Variants in SDK1 observed in about 807,000 individuals in gnomAD.
The protein encoded by SDK1 is protein sidekick-1.
In SDK1, 157 loss-of-function variants were observed where a neutral mutation model predicts 245.5. The observed-to-expected ratio is 0.64, with a 90% CI of 0.56 to 0.73. The LOEUF (loss-of-function observed/expected upper bound fraction) is 0.73. Among genes scored for constraint, SDK1 ranks in the 30% least tolerant of loss-of-function variants. SDK1 has a pLI of 0.00. For missense variants in SDK1, 3,583 were observed against 3,002.3 expected (o/e 1.19, Z -4.52); for synonymous variants, 1,647 against 1,278.5 (o/e 1.29, Z -6.15).
intron 13 of SDK1, among the ~76,000 whole-genome samples, chr7:3,985,458 T>C (rs1293730190): frequency 6.6e-6 from 1 of 152,198 alleles, no homozygotes; most frequent in Non-Finnish European, 1.5e-5. Flanking sequence ...TTTCCGCCTC[T>C]AATGGAGATT....
chr7:3,803,545 A>G (rs1779165188), intron 4 of SDK1, among the ~76,000 whole-genome samples: 1 of 151,886 alleles, frequency 6.6e-6, no homozygotes, highest in Non-Finnish European at 1.5e-5. Flanking sequence ...TCCTGACCTC[A>G]AGTGACTCAC....
At position 3,816,472 on chromosome 7, in the gene SDK1, A is replaced by C. The variant is rs552492579; in HGVS notation, c.714-4978A>C. On this transcript the variant is annotated intron_variant, in intron 4 of 44. Transcript: ENST00000404826. ...ATCAGAGAATACTACAAACACCTCT[A>C]CGCAAATAAACTAGAAAATCTATAA... 5.0e-3 allele frequency among the ~76,000 whole-genome samples: 756 copies of C among 150,644 alleles called. 1 individual carries two copies. Among genetic ancestry groups the C allele is most frequent in the Non-Finnish European group, 6.7e-3 (454 of 67,858 alleles).
chr7:3,874,227 CATGTGT>C (rs1221673642), intron 5 of SDK1, among the ~76,000 whole-genome samples: 1 of 152,196 alleles, frequency 6.6e-6, no homozygotes, highest in East Asian at 1.9e-4. Flanking sequence ...CTAGTGGAAT[CATGTGT>C]TCATAGCATG....
intron 40 of SDK1, among the ~76,000 whole-genome samples, chr7:4,227,699 A>G (rs964042425): frequency 6.6e-6 from 1 of 152,218 alleles, no homozygotes; most frequent in Non-Finnish European, 1.5e-5. Context: ...AAACTTTTGT[A>G]TTGGCATGAC....
intron 1 of SDK1, among the ~76,000 whole-genome samples, chr7:3,306,224 A>G (rs1240634671): frequency 6.6e-6 from 1 of 152,222 alleles, no homozygotes; most frequent in Non-Finnish European, 1.5e-5. Flanking sequence ...AAATTACATA[A>G]TTTGGAAAAT....
intron 1 of SDK1, among the ~76,000 whole-genome samples, chr7:3,535,844 T>G (rs1778869802): frequency 6.6e-6 from 1 of 152,158 alleles, no homozygotes; most frequent in Non-Finnish European, 1.5e-5. Flanking sequence ...CTCATCCATG[T>G]GTCAATATTT....
At chr7:3,936,189 T>C (rs1257693333) in intron 5 of SDK1, among the ~76,000 whole-genome samples, 1 of 152,080 alleles carries the variant, frequency 6.6e-6, no homozygotes, top group Non-Finnish European at 1.5e-5. Flanking sequence ...AGAATCAAGT[T>C]CACAGAGACA....
chr7:3,996,489 G>A (rs536019482), intron 14 of SDK1, among the ~76,000 whole-genome samples: 4 of 152,174 alleles, frequency 2.6e-5, no homozygotes, highest in East Asian at 1.9e-4. Flanking sequence ...CTGGTTTTCC[G>A]TCCAGAAAAT....
At chr7:3,741,369 T>C (rs1779469488) in intron 4 of SDK1, among the ~76,000 whole-genome samples, 1 of 152,222 alleles carries the variant, frequency 6.6e-6, no homozygotes, top group South Asian at 2.1e-4. Context: ...GCTCTTCATC[T>C]TTGCTCTGTG....
chr7:3,568,925 T>G (rs1226264716), intron 1 of SDK1, among the ~76,000 whole-genome samples: 2 of 152,194 alleles, frequency 1.3e-5, no homozygotes, highest in Admixed American at 6.5e-5. Context: ...TTTGCTTTAG[T>G]ATCTTTATTT....
chr7:3,969,733 T>G (rs371358854), intron 11 of SDK1, among the ~76,000 whole-genome samples: 5 of 152,236 alleles, frequency 3.3e-5, no homozygotes, highest in Non-Finnish European at 5.9e-5. Context: ...TTGGTTAATT[T>G]TATAAGCATT....
At chr7:3,723,929 T>C (rs999022492) in intron 4 of SDK1, among the ~76,000 whole-genome samples, 3 of 113,200 alleles carry the variant, frequency 2.7e-5, no homozygotes, top group Non-Finnish European at 1.9e-5. Flanking sequence ...TACACGTATA[T>C]ATATATATAT....
chr7:4,111,811 T>G (rs1393061996), intron 23 of SDK1, among the ~76,000 whole-genome samples: 3 of 152,210 alleles, frequency 2.0e-5, no homozygotes, highest in Admixed American at 6.5e-5. Flanking sequence ...CTTGGGATAT[T>G]TTTCTAGTAT....
intron 22 of SDK1, among the ~76,000 whole-genome samples, chr7:4,109,280 C>T (rs1044311809): frequency 2.0e-5 from 3 of 152,136 alleles, no homozygotes; most frequent in Non-Finnish European, 4.4e-5. Flanking sequence ...GAGAGTTTTG[C>T]GCTTTGCCTT....
chr7:4,017,054 G>A (rs978989455), intron 16 of SDK1, 117 bp from the exon 17 acceptor site: 1 of 976,526 alleles, frequency 1.0e-6, no homozygotes, highest in African/African-American at 1.6e-5. Context: ...TGACCTCTCA[G>A]CTCTGCTCTT....
At chr7:3,958,341 G>A (rs1214883563) in intron 7 of SDK1, 10 of 260,902 alleles carry the variant, frequency 3.8e-5, no homozygotes, top group Non-Finnish European at 6.7e-5. Context: ...TTTTTTCTGC[G>A]GAACGGGCGA....
chr7:3,675,559 TTTTGTTTGTTTGTTTG>T lies in SDK1; in HGVS notation c.713+33468_713+33483del, dbSNP rs56106932. ...TACCTTTCTTCCTCCCCCTACTCCT[TTTTGTTTGTTTGTTTG>T]TTTGTTTGTTTGTAAAGAGATGAGG... is the stretch of plus-strand genomic sequence containing the variant. On this transcript the variant is annotated intron_variant, in intron 4 of 44. Transcript: ENST00000404826. Among the ~76,000 whole-genome samples, 606 of 150,966 alleles carry T rather than the reference TTTTGTTTGTTTGTTTG, an allele frequency of 4.0e-3. 2 individuals carry two copies. Among genetic ancestry groups the T allele is most frequent in the African/African-American group, 0.013 (552 of 41,068 alleles).
chr7:4,159,066 GTCCA>G (rs1562367467), intron 31 of SDK1, among the ~76,000 whole-genome samples: 2 of 152,204 alleles, frequency 1.3e-5, no homozygotes, highest in Non-Finnish European at 2.9e-5. Flanking sequence ...TATCAGCCGC[GTCCA>G]GCGGTGATCA....
At chr7:3,768,872 T>A (rs1739199695) in intron 4 of SDK1, among the ~76,000 whole-genome samples, 1 of 152,184 alleles carries the variant, frequency 6.6e-6, no homozygotes, top group Admixed American at 6.5e-5. Context: ...CTCCTTTAGA[T>A]CCTGTTTGGT....
Sources: gnomAD v4.1 joint callset for allele counts (sites outside exome capture counted in the v4.1 genomes callset) on GRCh38, gnomAD v4.1.1 for gene constraint, MANE v1.5 for transcripts, NCBI Gene and HGNC (gene_info 2026-07-23, HGNC 2026-07-21) for gene names.